The following SLC9A6 variants were observed in gnomAD, a reference collection of about 807,000 sequenced individuals.
The protein encoded by SLC9A6 is sodium/hydrogen exchanger 6.
In SLC9A6, 6 loss-of-function variants were observed where a neutral mutation model predicts 45.3. That is an observed-to-expected ratio of 0.13 (90% CI 0.07 to 0.26). The LOEUF (loss-of-function observed/expected upper bound fraction) is 0.26. Among genes scored for constraint, SLC9A6 ranks in the 10% least tolerant of loss-of-function variants. SLC9A6 has a pLI of 1.00. For synonymous variants in SLC9A6, 191 were observed against 187.7 expected (o/e 1.02, Z -0.14); for missense variants, 278 against 503.7 (o/e 0.55, Z 4.29).
chrX:136,009,925 C>T (rs1204668842), intron 7 of SLC9A6, among the ~76,000 whole-genome samples: 3 of 111,909 alleles, frequency 2.7e-5, no homozygotes, highest in African/African-American at 9.7e-5. Flanking sequence ...AGATATTAGG[C>T]ATTTGGCCCA....
At chrX:135,996,930 C>T (rs2089508497) in intron 3 of SLC9A6, among the ~76,000 whole-genome samples, 1 of 109,999 alleles carries the variant, frequency 9.1e-6, no homozygotes, top group South Asian at 3.9e-4. Context: ...CCACGCCCGG[C>T]TAATTTTTTG....
chrX:135,974,718 C>CA (rs1381213353), exon 1 of SLC9A6: 6 of 339,387 alleles, frequency 1.8e-5, no homozygotes, highest in Non-Finnish European at 3.5e-5. Flanking sequence ...AGTGTCAGGA[C>CA]AAAATCCCAG....
intron 12 of SLC9A6, among the ~76,000 whole-genome samples, chrX:136,023,160 A>AATGTATGTAT (rs2071160199): frequency 3.5e-4 from 18 of 51,094 alleles, no homozygotes; most frequent in South Asian, 1.7e-3. Flanking sequence ...AGAAAAAGAA[A>AATGTATGTAT]ATGTATATAT....
intron 16 of SLC9A6, among the ~76,000 whole-genome samples, chrX:136,035,310 A>T (rs781787762): frequency 8.9e-6 from 1 of 112,278 alleles, no homozygotes; most frequent in Non-Finnish European, 1.9e-5. Context: ...TCCCACCCAT[A>T]CAAAGATACA....
intron 2 of SLC9A6, among the ~76,000 whole-genome samples, chrX:135,989,037 T>C (rs996508038): frequency 1.2e-4 from 13 of 111,602 alleles, no homozygotes; most frequent in African/African-American, 3.9e-4. Context: ...TTTTTCAGCA[T>C]GACTCTGGGG....
intron 13 of SLC9A6, among the ~76,000 whole-genome samples, chrX:136,025,608 A>T (rs1483074157): frequency 8.9e-6 from 1 of 112,094 alleles, no homozygotes; most frequent in African/African-American, 3.2e-5. Flanking sequence ...TGTTCTTATA[A>T]CCTTAATTAT....
At chrX:135,989,459 G>C (rs1556615369) in intron 2 of SLC9A6, among the ~76,000 whole-genome samples, 5 of 111,908 alleles carry the variant, frequency 4.5e-5, no homozygotes, top group Non-Finnish European at 9.4e-5. Context: ...TGGAGTCCGA[G>C]GTTTAACCAA....
intron 16 of SLC9A6, among the ~76,000 whole-genome samples, chrX:136,036,359 G>A (rs782642727): frequency 4.5e-5 from 5 of 110,913 alleles, no homozygotes; most frequent in Non-Finnish European, 9.5e-5. Flanking sequence ...TAACTGAGTT[G>A]TTTTTTTCTC....
chrX:136,036,275 G>A (rs1191220330), intron 16 of SLC9A6, among the ~76,000 whole-genome samples: 1 of 111,431 alleles, frequency 9.0e-6, no homozygotes. Flanking sequence ...GACCAGAGAG[G>A]CTGAGCACCT....
upstream of SLC9A6, among the ~76,000 whole-genome samples, chrX:135,982,128 A>G (rs993536772): frequency 9.0e-6 from 1 of 111,690 alleles, no homozygotes; most frequent in African/African-American, 3.3e-5. Context: ...CAAGACATAC[A>G]AAAACAGATA....
rs1177738754 is a variant in SLC9A6, at chrX:136,044,642, G to A, written c.1958G>A (p.Arg653Gln). 8.3e-7 allele frequency: 1 copy of A among 1,209,811 alleles called. No individual in the cohort carries two copies. Among genetic ancestry groups the A allele is most frequent in the South Asian group, 1.8e-5 (1 of 56,929 alleles). Residue 653 changes from arginine to glutamine, a missense_variant, in exon 18 of 18, where the codon CGA becomes CAA. Around this residue, in one of 5 missense-constraint regions of SLC9A6, gnomAD observed 91 missense variants for 125.1 expected, o/e 0.73. Transcript: ENST00000630721. ...LAFGDHELVI[R>Q]GTRLVLPMDD... The stretch of plus-strand genomic sequence containing the variant: ...TTTGGGGACCATGAACTGGTCATTC[G>A]AGGAACACGCCTGGTTCTTCCAATG...
intron 12 of SLC9A6, 150 bp downstream of exon 12, chrX:136,022,847 T>A: frequency 3.0e-6 from 1 of 330,117 alleles, no homozygotes; most frequent in African/African-American, 2.7e-5. Context: ...TTTCACTCTG[T>A]CGCCCAGGCT....
chrX:135,992,357 C>G (rs1432173756), intron 2 of SLC9A6, among the ~76,000 whole-genome samples: 10 of 112,178 alleles, frequency 8.9e-5, no homozygotes, highest in African/African-American at 3.2e-4. Context: ...TACAGTAGCC[C>G]TGTATCTAGC....
At chrX:135,997,376 G>A (rs1238678265) in intron 3 of SLC9A6, among the ~76,000 whole-genome samples, 4 of 104,317 alleles carry the variant, frequency 3.8e-5, no homozygotes, top group Admixed American at 1.0e-4. Context: ...TATTTAAAGC[G>A]AAAGTAATGT....
chrX:136,016,411 A>T (rs1278919970), intron 10 of SLC9A6, among the ~76,000 whole-genome samples: 3 of 109,960 alleles, frequency 2.7e-5, no homozygotes, highest in Non-Finnish European at 5.7e-5. Flanking sequence ...GAATAATTGA[A>T]GATGGGGCTT....
chrX:136,017,069 TAGC>T (rs782609615), intron 11 of SLC9A6, among the ~76,000 whole-genome samples: 2 of 111,630 alleles, frequency 1.8e-5, no homozygotes, highest in Non-Finnish European at 3.8e-5. Flanking sequence ...GGGGAGCAGT[TAGC>T]AGTCTATGCC....
Position 136,047,064 on chromosome X carries a change from CA to C in SLC9A6, c.*2341del, listed in dbSNP as rs1443750459. 2.7e-5 allele frequency: 3 copies of C among 112,575 alleles called. No individual in the cohort carries two copies. Among genetic ancestry groups the C allele is most frequent in the African/African-American group, 9.7e-5 (3 of 30,890 alleles). The allele number at this position is 112,575 out of a possible 1,213,427, so 9.3% of individuals were successfully genotyped here. A position where few individuals can be genotyped will look rare whatever the true frequency, so the allele number is the denominator to read the frequency against. On this transcript the variant is annotated 3_prime_UTR_variant, in exon 18 of 18. Transcript: ENST00000630721. ...TTTTGTTTTCTCTGGAGTACTTGGA[CA>C]GATGTTATAGTGGTTTCTTTTAGGA...
At chrX:136,004,150 G>A (rs186995623) in intron 7 of SLC9A6, among the ~76,000 whole-genome samples, 38 of 96,542 alleles carry the variant, frequency 3.9e-4, no homozygotes, top group Middle Eastern at 0.011. Context: ...GTGCAGTGGC[G>A]CAATATAGAC....
intron 16 of SLC9A6, among the ~76,000 whole-genome samples, chrX:136,039,282 A>G (rs2071465592): frequency 9.2e-6 from 1 of 108,140 alleles, no homozygotes; most frequent in Admixed American, 9.8e-5. Context: ...CCTGGGTGAC[A>G]GAGCGACACT....
Sources: allele counts gnomAD v4.1 joint callset (sites outside exome capture counted in the v4.1 genomes callset), GRCh38; gene constraint gnomAD v4.1.1; regional missense constraint gnomAD v4.1.1; transcripts MANE v1.5; gene names NCBI Gene and HGNC (gene_info 2026-07-23, HGNC 2026-07-21).